NFATC2: variants seen among roughly 807,000 people sequenced by gnomAD.
NFATC2 encodes nuclear factor of activated T-cells, cytoplasmic 2.
NFATC2 carries 22 observed loss-of-function variants against 87.3 expected under a neutral mutation model. That is an observed-to-expected ratio of 0.25 (90% CI 0.18 to 0.36). The LOEUF (loss-of-function observed/expected upper bound fraction) is 0.36. Among genes scored for constraint, NFATC2 ranks in the 10% least tolerant of loss-of-function variants. The pLI is 1.00. For synonymous variants in NFATC2, 565 were observed against 542.2 expected, an observed-to-expected ratio of 1.04 and a Z score of -0.58; for missense variants, 1,149 against 1,259.1, an observed-to-expected ratio of 0.91 and a Z score of 1.32.
At chr20:51,442,131 T>G (rs1453744081) in intron 6 of NFATC2, among the ~76,000 whole-genome samples, 1 of 152,256 alleles carries the variant, frequency 6.6e-6, no homozygotes, top group Admixed American at 6.5e-5. Context: ...ATGACCCTGT[T>G]ATATTAAAAA....
chr20:51,549,028 G>A (rs1456873815), intron 1 of NFATC2, among the ~76,000 whole-genome samples: 1 of 152,168 alleles, frequency 6.6e-6, no homozygotes, highest in Non-Finnish European at 1.5e-5. Flanking sequence ...GTACAGTGGT[G>A]CACACCTGTA....
At chr20:51,415,440 C>T (rs1960124189) in intron 9 of NFATC2, among the ~76,000 whole-genome samples, 1 of 152,114 alleles carries the variant, frequency 6.6e-6, no homozygotes, top group African/African-American at 2.4e-5. Flanking sequence ...ACCCGGCTTC[C>T]TGAAGACAGA....
intron 5 of NFATC2, among the ~76,000 whole-genome samples, chr20:51,456,379 G>A (rs991404055): frequency 2.6e-5 from 4 of 152,140 alleles, no homozygotes; most frequent in African/African-American, 9.7e-5. Flanking sequence ...GCTAAGAGGA[G>A]TAAAGTCACC....
At chr20:51,451,201 G>T (rs3787204) in intron 6 of NFATC2, among the ~76,000 whole-genome samples, 1 of 152,200 alleles carries the variant, frequency 6.6e-6, no homozygotes, top group Non-Finnish European at 1.5e-5. Context: ...GGACAGCTCG[G>T]GGGAGCTGTG....
rs1277104784 is a variant in NFATC2 at position 51,389,387 on chromosome 20, GT to G, written c.*2108del. 2 of 152,176 alleles carry G rather than the reference GT, an allele frequency of 1.3e-5. No homozygotes were observed. Among genetic ancestry groups the G allele is most frequent in the African/African-American group, 4.8e-5 (2 of 41,444 alleles). The allele number at this position is 152,176 out of a possible 1,614,324, so 9.4% of individuals were successfully genotyped here. A position where few individuals can be genotyped will look rare whatever the true frequency, so the allele number is the denominator to read the frequency against. On this transcript the variant is annotated 3_prime_UTR_variant, in exon 11 of 11. Transcript: ENST00000371564. The stretch of plus-strand genomic sequence containing the variant: ...TCCTAGCCAGTCCTAGCCAGGTCGA[GT>G]GAGAACAAATCACTCACCACACACT...
intron 1 of NFATC2, among the ~76,000 whole-genome samples, chr20:51,548,361 C>T (rs1168976582): frequency 6.6e-6 from 1 of 152,192 alleles, no homozygotes; most frequent in Admixed American, 6.5e-5. Flanking sequence ...TTCCTCATTG[C>T]CCTTTCCGCT....
chr20:51,487,399 G>A (rs1402050529), intron 3 of NFATC2, among the ~76,000 whole-genome samples: 1 of 152,160 alleles, frequency 6.6e-6, no homozygotes, highest in Non-Finnish European at 1.5e-5. Context: ...TAATACCTAG[G>A]TGATGGGTTG....
intron 3 of NFATC2, among the ~76,000 whole-genome samples, chr20:51,493,562 C>G (rs1050388675): frequency 6.6e-6 from 1 of 152,182 alleles, no homozygotes; most frequent in Non-Finnish European, 1.5e-5. Flanking sequence ...CTTTCCACCC[C>G]GACTATGAGT....
Position 51,454,699 on chromosome 20 carries a change from AAGAG to A in NFATC2, c.1709-15_1709-12del. ...GAGCAGATCGCTGGGCTGCAGGCAA[AAGAG>A]AGAGAAGTCACTGTGATAAGGGGAG... On this transcript the variant is annotated splice_polypyrimidine_tract_variant and intron_variant, in intron 5 of 10. Transcript: ENST00000371564. 1 of 1,613,438 alleles carries A rather than the reference AAGAG, an allele frequency of 6.2e-7. No homozygotes were observed. Among genetic ancestry groups the A allele is most frequent in the East Asian group, 2.2e-5 (1 of 44,884 alleles).
chr20:51,497,925 T>C (rs574116585), intron 3 of NFATC2, among the ~76,000 whole-genome samples: 256 of 152,228 alleles, frequency 1.7e-3, no homozygotes, highest in African/African-American at 6.0e-3. Flanking sequence ...ATACTCTCTT[T>C]GACTCAAAAA....
At chr20:51,413,155 G>A (rs1342028757) in intron 9 of NFATC2, among the ~76,000 whole-genome samples, 1 of 151,914 alleles carries the variant, frequency 6.6e-6, no homozygotes, top group Admixed American at 6.6e-5. Flanking sequence ...GGCTGGAGGT[G>A]AGAAATCGAT....
At chr20:51,549,413 T>C (rs1601010551) in intron 1 of NFATC2, among the ~76,000 whole-genome samples, 1 of 152,198 alleles carries the variant, frequency 6.6e-6, no homozygotes. Flanking sequence ...GCTGGGATTA[T>C]AGGCATGTGC....
chr20:51,527,523 A>G (rs969585784), intron 1 of NFATC2, among the ~76,000 whole-genome samples: 3 of 152,022 alleles, frequency 2.0e-5, no homozygotes, highest in Non-Finnish European at 4.4e-5. Flanking sequence ...CACCCCCACC[A>G]ATCAGCAAAT....
chr20:51,403,621 C>G (rs542538526), intron 9 of NFATC2, among the ~76,000 whole-genome samples: 5 of 152,280 alleles, frequency 3.3e-5, no homozygotes, highest in Middle Eastern at 3.4e-3. Context: ...TTGGTGCAGT[C>G]ATGAAGGTGG....
chr20:51,438,201 G>T (rs906260871), intron 6 of NFATC2, among the ~76,000 whole-genome samples: 2 of 152,102 alleles, frequency 1.3e-5, no homozygotes, highest in African/African-American at 4.8e-5. Context: ...TCAGGTAGAG[G>T]TCACCACCAG....
At chr20:51,557,100 C>A (rs1226883021) in intron 1 of NFATC2, among the ~76,000 whole-genome samples, 1 of 152,152 alleles carries the variant, frequency 6.6e-6, no homozygotes, top group Non-Finnish European at 1.5e-5. Flanking sequence ...TCAGCTGGGC[C>A]TAGGGCTGCC....
chr20:51,454,513 TG>T, intron 6 of NFATC2, 34 bp downstream of exon 6: 1 of 1,612,092 alleles, frequency 6.2e-7, no homozygotes, highest in Non-Finnish European at 8.5e-7. Context: ...TGCATGATTC[TG>T]GGGGACAGAG....
intron 9 of NFATC2, among the ~76,000 whole-genome samples, chr20:51,419,041 G>C (rs1212276402): frequency 6.6e-6 from 1 of 151,436 alleles, no homozygotes; most frequent in African/African-American, 2.5e-5. Context: ...CACCAACTAA[G>C]AAGTACGCTC....
At chr20:51,551,630 G>A (rs554654444) in intron 1 of NFATC2, among the ~76,000 whole-genome samples, 4 of 147,094 alleles carry the variant, frequency 2.7e-5, no homozygotes, top group African/African-American at 7.6e-5. Flanking sequence ...GGTTGGTCTC[G>A]AACTCCTGGG....
Sources: allele counts gnomAD v4.1 joint callset (sites outside exome capture counted in the v4.1 genomes callset), GRCh38; gene constraint gnomAD v4.1.1; transcripts MANE v1.5; gene names NCBI Gene and HGNC (gene_info 2026-07-23, HGNC 2026-07-21).